Variants in NEGR1 observed in about 807,000 individuals in gnomAD.
NEGR1 encodes neuronal growth regulator 1.
A neutral mutation model predicts 40.9 loss-of-function variants in NEGR1; 10 were observed. The observed-to-expected ratio is 0.24, with a 90% CI of 0.15 to 0.42. The LOEUF (loss-of-function observed/expected upper bound fraction) is 0.42, where lower values mean the gene tolerates loss of function less well. Among genes scored for constraint, NEGR1 ranks in the 10% least tolerant of loss-of-function variants. The pLI is 1.00. For missense variants in NEGR1, 352 were observed against 438.9 expected, an observed-to-expected ratio of 0.80 and a Z score of 1.77; for synonymous variants, 185 against 166.8, an observed-to-expected ratio of 1.11 and a Z score of -0.84.
chr1:71,721,825 G>A lies in NEGR1; in HGVS notation c.536-23686C>T, dbSNP rs147696352. On this transcript the variant is annotated intron_variant, in intron 3 of 6. Coordinates refer to ENST00000357731, the MANE Select transcript of NEGR1 (RefSeq NM_173808.3). ...GAATGCAATTTGATGGTCACTAAAA[G>A]TCATTTAAGTGGAGACCTTAATGTC... is the stretch of plus-strand genomic sequence containing the variant. Among the ~76,000 whole-genome samples, 864 of 152,238 alleles carry A rather than the reference G, an allele frequency of 5.7e-3. 5 individuals carry two copies. The highest frequency in any genetic ancestry group is 0.014 in the Middle Eastern group (4 of 294).
At chr1:71,748,551 T>C (rs1655462623) in intron 3 of NEGR1, among the ~76,000 whole-genome samples, 1 of 152,172 alleles carries the variant, frequency 6.6e-6, no homozygotes, top group Non-Finnish European at 1.5e-5. Flanking sequence ...ACCTGTATCC[T>C]GAAGAAAACA....
chr1:72,115,280 T>C (rs562478940), intron 1 of NEGR1, among the ~76,000 whole-genome samples: 35 of 151,846 alleles, frequency 2.3e-4, no homozygotes, highest in Middle Eastern at 3.4e-3. Flanking sequence ...TCCAGATCTA[T>C]AAACCAGACC....
chr1:72,152,368 G>A (rs1651157758), intron 1 of NEGR1, among the ~76,000 whole-genome samples: 1 of 151,806 alleles, frequency 6.6e-6, no homozygotes, highest in Admixed American at 6.6e-5. Context: ...ATTTGAAGAG[G>A]CATTTATTGC....
chr1:72,068,623 T>C (rs1291452976), intron 1 of NEGR1, among the ~76,000 whole-genome samples: 1 of 152,194 alleles, frequency 6.6e-6, no homozygotes, highest in Non-Finnish European at 1.5e-5. Flanking sequence ...TGTGTGCTTC[T>C]ACCTCAGTGT....
chr1:71,587,847 T>C (rs1649359124), intron 6 of NEGR1, among the ~76,000 whole-genome samples: 1 of 152,104 alleles, frequency 6.6e-6, no homozygotes, highest in Non-Finnish European at 1.5e-5. Context: ...TGAGTCTTCA[T>C]CAATAGTGAG....
chr1:71,672,327 T>C (rs1401069992), intron 4 of NEGR1, among the ~76,000 whole-genome samples: 2 of 152,084 alleles, frequency 1.3e-5, no homozygotes, highest in African/African-American at 2.4e-5. Flanking sequence ...AATTAAAACA[T>C]GTGACATCTT....
At chr1:71,782,709 A>G (rs1656760419) in intron 2 of NEGR1, among the ~76,000 whole-genome samples, 1 of 152,172 alleles carries the variant, frequency 6.6e-6, no homozygotes, top group African/African-American at 2.4e-5. Context: ...ATCCTATAAA[A>G]TTTTATACCA....
chr1:71,928,085 T>A (rs1570513878), intron 2 of NEGR1, among the ~76,000 whole-genome samples: 1 of 115,126 alleles, frequency 8.7e-6, no homozygotes, highest in East Asian at 2.2e-4. Context: ...TACATATATG[T>A]ATATATACAC....
chr1:71,559,068 CAT>C (rs1398646220), intron 6 of NEGR1, among the ~76,000 whole-genome samples: 1 of 127,450 alleles, frequency 7.8e-6, no homozygotes, highest in Admixed American at 7.9e-5. Flanking sequence ...CATGTGTATG[CAT>C]ATATATATGT....
At chr1:71,802,908 T>A (rs1170096526) in intron 2 of NEGR1, among the ~76,000 whole-genome samples, 1 of 151,332 alleles carries the variant, frequency 6.6e-6, no homozygotes, top group South Asian at 2.1e-4. Flanking sequence ...TCTATTTAGA[T>A]GATATTTAGA....
rs187205978 is a variant in NEGR1 at position 71,744,060 on chromosome 1, A to G, written c.535+32112T>C. On this transcript the variant is annotated intron_variant, in intron 3 of 6. Transcript: ENST00000357731. ...AGGATTAATTATTTAAAAAGTGCTG[A>G]CAGTGTATTTTTATATCTGGGAAGA... is the stretch of plus-strand genomic sequence containing the variant. Among the ~76,000 whole-genome samples, 161 of 152,226 alleles carry G rather than the reference A, an allele frequency of 1.1e-3. 1 individual carries two copies. The highest frequency in any genetic ancestry group is 3.7e-3 in the African/African-American group (153 of 41,560).
At chr1:72,244,481 G>GTATA (rs1291363927) in intron 1 of NEGR1, among the ~76,000 whole-genome samples, 1 of 151,730 alleles carries the variant, frequency 6.6e-6, no homozygotes, top group African/African-American at 2.4e-5. Context: ...TGAAAAACAT[G>GTATA]TATATATGTA....
At chr1:71,483,498 C>G (rs866474643) in intron 6 of NEGR1, among the ~76,000 whole-genome samples, 3 of 151,802 alleles carry the variant, frequency 2.0e-5, no homozygotes, top group African/African-American at 2.4e-5. Flanking sequence ...GACTGAACTG[C>G]ACTCCAATGA....
intron 1 of NEGR1, among the ~76,000 whole-genome samples, chr1:72,105,551 A>C (rs1330010717): frequency 1.3e-5 from 2 of 151,706 alleles, no homozygotes; most frequent in South Asian, 2.1e-4. Flanking sequence ...ACAGTAAATA[A>C]ATAAATAAAT....
intron 1 of NEGR1, among the ~76,000 whole-genome samples, chr1:72,213,368 G>T (rs1653681261): frequency 6.6e-6 from 1 of 151,554 alleles, no homozygotes; most frequent in Non-Finnish European, 1.5e-5. Flanking sequence ...TTTACTTTTT[G>T]TTCTTCTCAA....
intron 1 of NEGR1, among the ~76,000 whole-genome samples, chr1:72,126,695 T>C (rs1557539910): frequency 6.6e-6 from 1 of 152,160 alleles, no homozygotes; most frequent in Non-Finnish European, 1.5e-5. Flanking sequence ...CCTGTCACAT[T>C]TTCATAAAGA....
At chr1:71,706,343 C>A (rs1349659928) in intron 3 of NEGR1, among the ~76,000 whole-genome samples, 3 of 152,072 alleles carry the variant, frequency 2.0e-5, no homozygotes, top group Non-Finnish European at 4.4e-5. Flanking sequence ...TGAGTGCCTG[C>A]AGACCCCATG....
intron 1 of NEGR1, among the ~76,000 whole-genome samples, chr1:72,250,540 A>G (rs1655052707): frequency 6.6e-6 from 1 of 152,220 alleles, no homozygotes. Context: ...AAGAAATATG[A>G]AAAACAATTA....
chr1:71,857,695 T>G (rs1035820334), intron 2 of NEGR1, among the ~76,000 whole-genome samples: 2 of 149,684 alleles, frequency 1.3e-5, no homozygotes, highest in Admixed American at 6.7e-5. Context: ...AGAGAATGTA[T>G]GTGAAAATGC....
Sources: gnomAD v4.1 joint callset for allele counts (sites outside exome capture counted in the v4.1 genomes callset) on GRCh38, gnomAD v4.1.1 for gene constraint, MANE v1.5 for transcripts, NCBI Gene and HGNC (gene_info 2026-07-23, HGNC 2026-07-21) for gene names.